Variants in SGCZ observed in about 807,000 individuals in gnomAD.
SGCZ encodes the protein sarcoglycan zeta, also known as zeta-sarcoglycan.
Under a neutral mutation model 41.3 loss-of-function variants are expected in SGCZ, and 40 were observed. That is an observed-to-expected ratio of 0.97 (90% CI 0.75 to 1.26). The LOEUF (loss-of-function observed/expected upper bound fraction) is 1.26. Ranked by LOEUF, SGCZ falls within the 50% of genes most tolerant of loss-of-function variation. The pLI, the probability that SGCZ is intolerant of heterozygous loss-of-function variation, is 0.00. For synonymous variants in SGCZ, 206 were observed against 137.5 expected (o/e 1.50, Z -3.49); for missense variants, 552 against 369.8 (o/e 1.49, Z -4.04).
intron 1 of SGCZ, among the ~76,000 whole-genome samples, chr8:14,559,306 A>T (rs1804135980): frequency 6.6e-6 from 1 of 152,148 alleles, no homozygotes; most frequent in Non-Finnish European, 1.5e-5. Flanking sequence ...ACTAATGTAC[A>T]CAAATCAGTA....
chr8:14,989,928 C>T (rs1279467938), intron 1 of SGCZ, among the ~76,000 whole-genome samples: 7 of 152,190 alleles, frequency 4.6e-5, no homozygotes, highest in South Asian at 2.1e-4. Context: ...GGGTTAGGAA[C>T]TCTTCCTTCT....
chr8:14,177,144 T>A (rs967067778), intron 4 of SGCZ, among the ~76,000 whole-genome samples: 4 of 152,122 alleles, frequency 2.6e-5, no homozygotes, highest in African/African-American at 4.8e-5. Context: ...TGGAGTTGCC[T>A]CGCTGCTTGA....
At chr8:14,592,484 G>A (rs192564564) in intron 1 of SGCZ, among the ~76,000 whole-genome samples, 212 of 151,780 alleles carry the variant, frequency 1.4e-3, no homozygotes, top group African/African-American at 4.9e-3. Flanking sequence ...ATTTTACAAA[G>A]TTTATCTCTT....
intron 2 of SGCZ, among the ~76,000 whole-genome samples, chr8:14,440,704 T>C (rs530132005): frequency 1.8e-4 from 15 of 85,236 alleles, no homozygotes; most frequent in African/African-American, 5.5e-4. Context: ...TATGTATATA[T>C]GTATATACAT....
intron 4 of SGCZ, among the ~76,000 whole-genome samples, chr8:14,211,405 T>A (rs17278416): frequency 6.6e-6 from 1 of 152,034 alleles, no homozygotes; most frequent in Non-Finnish European, 1.5e-5. Context: ...ACTTATGATG[T>A]CCCAGCAAAG....
intron 1 of SGCZ, among the ~76,000 whole-genome samples, chr8:14,947,069 T>A (rs1800476097): frequency 6.6e-6 from 1 of 151,878 alleles, no homozygotes; most frequent in South Asian, 2.1e-4. Context: ...CCTCTCCCCA[T>A]CTGAAAAAAA....
At chr8:14,165,600 A>G (rs1409785795) in intron 4 of SGCZ, among the ~76,000 whole-genome samples, 1 of 152,128 alleles carries the variant, frequency 6.6e-6, no homozygotes. Context: ...ATGGATCTAT[A>G]GTTCCCGCTC....
chr8:14,187,647 T>C (rs916908698), intron 4 of SGCZ, among the ~76,000 whole-genome samples: 7 of 151,402 alleles, frequency 4.6e-5, no homozygotes, highest in East Asian at 1.9e-4. Context: ...TTAAAGATAA[T>C]AGAGATTATA....
At position 14,957,306 on chromosome 8, in the gene SGCZ, T is replaced by C. The variant is rs534308608; in HGVS notation, c.39+280279A>G. ...ATTTTCATCTTCTTTTTAAATTTAA[T>C]GGTTACCATAAAACTTTTGTAGTAA... is the stretch of plus-strand genomic sequence containing the variant. On this transcript the variant is annotated intron_variant, in intron 1 of 7. Coordinates refer to ENST00000382080, the MANE Select transcript of SGCZ (RefSeq NM_139167.4). 2.6e-5 allele frequency among the ~76,000 whole-genome samples: 4 copies of C among 152,244 alleles called. No individual in the cohort carries two copies. In the South Asian group the frequency reaches 8.3e-4, roughly 32 times the overall value.
chr8:14,562,911 G>A (rs1406736469), intron 1 of SGCZ, among the ~76,000 whole-genome samples: 1 of 152,140 alleles, frequency 6.6e-6, no homozygotes, highest in African/African-American at 2.4e-5. Flanking sequence ...TGGTAGCAGA[G>A]GAACTAGAGA....
At chr8:15,184,929 T>C (rs959246567) in intron 1 of SGCZ, among the ~76,000 whole-genome samples, 16 of 152,152 alleles carry the variant, frequency 1.1e-4, no homozygotes, top group Admixed American at 6.5e-5. Flanking sequence ...GTCTGTCTCC[T>C]GACTGGCAAA....
intron 1 of SGCZ, among the ~76,000 whole-genome samples, chr8:14,638,048 G>C (rs951250969): frequency 1.3e-5 from 2 of 151,768 alleles, no homozygotes; most frequent in Non-Finnish European, 2.9e-5. Flanking sequence ...AGTTTGATTT[G>C]TATTTCTCTG....
chr8:14,255,937 A>C (rs1202723882), intron 3 of SGCZ, among the ~76,000 whole-genome samples: 1 of 152,124 alleles, frequency 6.6e-6, no homozygotes, highest in Non-Finnish European at 1.5e-5. Context: ...TAAGGAACTA[A>C]TCAGAAACCA....
intron 3 of SGCZ, among the ~76,000 whole-genome samples, chr8:14,283,671 A>G (rs1374302819): frequency 6.6e-6 from 1 of 152,200 alleles, no homozygotes; most frequent in Non-Finnish European, 1.5e-5. Context: ...AACATTGCAG[A>G]GATACAGTGA....
chr8:14,462,562 T>C (rs1442990202), intron 2 of SGCZ, among the ~76,000 whole-genome samples: 1 of 152,054 alleles, frequency 6.6e-6, no homozygotes, highest in Admixed American at 6.6e-5. Context: ...AAATTCTGTA[T>C]TCTATTCCAT....
chr8:14,309,130 C>G (rs1801441561), intron 3 of SGCZ: 1 of 1,465,176 alleles, frequency 6.8e-7, no homozygotes, highest in South Asian at 1.1e-5. Flanking sequence ...TTAAACATCC[C>G]CTACAGAACA....
At chr8:14,470,555 T>A (rs1231804586) in intron 2 of SGCZ, among the ~76,000 whole-genome samples, 1 of 152,178 alleles carries the variant, frequency 6.6e-6, no homozygotes, top group East Asian at 1.9e-4. Flanking sequence ...ACCCCAGTTT[T>A]CTTGGAGAAT....
intron 1 of SGCZ, among the ~76,000 whole-genome samples, chr8:14,844,908 G>C (rs1803047678): frequency 6.6e-6 from 1 of 152,182 alleles, no homozygotes; most frequent in Non-Finnish European, 1.5e-5. Flanking sequence ...AGCTGTGACA[G>C]AGTTTTCAGA....
intron 1 of SGCZ, among the ~76,000 whole-genome samples, chr8:14,641,894 C>A (rs1807039066): frequency 6.6e-6 from 1 of 151,590 alleles, no homozygotes; most frequent in Admixed American, 6.6e-5. Context: ...TGAAAATTAG[C>A]AAAATAGCTT....
Sources: gnomAD v4.1 joint callset for allele counts (sites outside exome capture counted in the v4.1 genomes callset) on GRCh38, gnomAD v4.1.1 for gene constraint, MANE v1.5 for transcripts, NCBI Gene and HGNC (gene_info 2026-07-23, HGNC 2026-07-21) for gene names.